CAMK2A: variants seen among roughly 807,000 people sequenced by gnomAD.
CAMK2A encodes calcium/calmodulin dependent protein kinase II alpha, also known as calcium/calmodulin-dependent protein kinase type II subunit alpha.
In CAMK2A, 7 loss-of-function variants were observed where a neutral mutation model predicts 79.2. That is an observed-to-expected ratio of 0.09 (90% CI 0.05 to 0.17). CAMK2A has a LOEUF of 0.17. CAMK2A is among the 10% of genes least tolerant of loss of function. The probability of loss-of-function intolerance (pLI) is 1.00; values close to 1 mark genes in which losing one functional copy is unlikely to be tolerated. For missense variants in CAMK2A, 214 were observed against 646.4 expected, an observed-to-expected ratio of 0.33 and a Z score of 7.25; for synonymous variants, 242 against 251.7, an observed-to-expected ratio of 0.96 and a Z score of 0.36.
At chr5:150,276,797 G>A (rs542490488) in intron 1 of CAMK2A, among the ~76,000 whole-genome samples, 1 of 152,202 alleles carries the variant, frequency 6.6e-6, no homozygotes, top group African/African-American at 2.4e-5. Flanking sequence ...TGGAGGGATA[G>A]AGGAAGGGAT....
In CAMK2A at chr5:150,245,158, T is replaced by C; in HGVS notation, c.984+3A>G. 5.0e-6 allele frequency: 8 copies of C among 1,613,696 alleles called. No homozygotes were observed. The highest frequency in any genetic ancestry group is 1.1e-5 in the South Asian group (1 of 90,986). ...GCCCTGCCAGGCTCCTGGAGGGGCT[T>C]ACCTTCACACCATCGCTCTTCTTGT... is the stretch of plus-strand genomic sequence containing the variant. On this transcript the variant is annotated splice_donor_region_variant and intron_variant, in intron 13 of 18. Transcript: ENST00000671881.
At chr5:150,241,194 C>T (rs949357565) in intron 13 of CAMK2A, among the ~76,000 whole-genome samples, 1 of 152,244 alleles carries the variant, frequency 6.6e-6, no homozygotes, top group Non-Finnish European at 1.5e-5. Context: ...TGGACACTTC[C>T]AATGCCCGTG....
At chr5:150,236,831 G>A (rs1376683602) in intron 15 of CAMK2A, among the ~76,000 whole-genome samples, 1 of 152,152 alleles carries the variant, frequency 6.6e-6, no homozygotes, top group Non-Finnish European at 1.5e-5. Flanking sequence ...ATGCTGACTT[G>A]ACCCTACCAG....
chr5:150,232,979 C>T (rs911846115), intron 15 of CAMK2A, among the ~76,000 whole-genome samples: 12 of 152,216 alleles, frequency 7.9e-5, no homozygotes, highest in Admixed American at 7.2e-4. Context: ...TCCATAGGCC[C>T]CTGAGGCCCC....
intron 1 of CAMK2A, among the ~76,000 whole-genome samples, chr5:150,276,586 G>A (rs1756955982): frequency 6.6e-6 from 1 of 152,172 alleles, no homozygotes; most frequent in South Asian, 2.1e-4. Context: ...TCTAGCTGGG[G>A]GCCATGATTC....
chr5:150,271,354 C>A (rs116218836), intron 2 of CAMK2A, among the ~76,000 whole-genome samples: 2 of 152,142 alleles, frequency 1.3e-5, no homozygotes. Flanking sequence ...AAGACACTGG[C>A]GGGAGGTCGG....
chr5:150,230,885 A>C (rs1055729707), intron 16 of CAMK2A, among the ~76,000 whole-genome samples: 1 of 152,216 alleles, frequency 6.6e-6, no homozygotes, highest in East Asian at 1.9e-4. Context: ...ATCTGAGGTC[A>C]GAGGTCCAAG....
In CAMK2A at chr5:150,227,028, T is replaced by TC. The variant is rs1372411143; in HGVS notation, c.1237+1163dup. Among the ~76,000 whole-genome samples the TC allele has an allele frequency of 3.3e-5, 5 of 152,108 alleles. No homozygotes were observed. In the East Asian group the frequency reaches 7.8e-4, roughly 24 times the overall value. On this transcript the variant is annotated intron_variant, in intron 17 of 18. Coordinates refer to ENST00000671881, the MANE Select transcript of CAMK2A (RefSeq NM_015981.4). Reference sequence around the variant, plus strand: ...CTCAAGTGATCTGCCCGCCTCAGCCTCCCAAAGTGCTGGGATTACATGCGT... The same window carrying TC: ...CTCAAGTGATCTGCCCGCCTCAGCCTCCCCAAAGTGCTGGGATTACATGCGT...
intron 2 of CAMK2A, among the ~76,000 whole-genome samples, chr5:150,270,958 G>C (rs976947511): frequency 6.6e-6 from 1 of 152,076 alleles, no homozygotes; most frequent in Non-Finnish European, 1.5e-5. Context: ...AATGTGCCTC[G>C]AGAGTGTGGT....
intron 1 of CAMK2A, among the ~76,000 whole-genome samples, chr5:150,282,964 C>CTG (rs766613320): frequency 1.1e-4 from 16 of 152,266 alleles, no homozygotes; most frequent in Non-Finnish European, 1.6e-4. Flanking sequence ...CTCCCTTACT[C>CTG]TACAGAGTCG....
intron 17 of CAMK2A, among the ~76,000 whole-genome samples, chr5:150,227,330 G>A (rs1754648558): frequency 6.6e-6 from 1 of 152,204 alleles, no homozygotes; most frequent in Non-Finnish European, 1.5e-5. Flanking sequence ...AGAGTATTGA[G>A]AGAGAATTAA....
Position 150,244,540 on chromosome 5 carries a change from C to T in CAMK2A, c.984+621G>A, listed in dbSNP as rs185978338. ...GAGCAGAGGGAGAAGAGAGAAGAGACGGGAAGGAGGACCGCAGGATGTGGA... is the reference window on the plus strand; with the variant it reads ...GAGCAGAGGGAGAAGAGAGAAGAGATGGGAAGGAGGACCGCAGGATGTGGA... On this transcript the variant is annotated intron_variant, in intron 13 of 18. Transcript: ENST00000671881. Among the ~76,000 whole-genome samples the T allele has an allele frequency of 3.1e-3, 474 of 152,252 alleles. 4 individuals are homozygous for T. Among genetic ancestry groups the T allele is most frequent in the African/African-American group, 0.011 (437 of 41,530 alleles).
intron 3 of CAMK2A, among the ~76,000 whole-genome samples, chr5:150,262,744 A>G (rs1030086314): frequency 2.0e-5 from 3 of 152,170 alleles, no homozygotes; most frequent in Non-Finnish European, 4.4e-5. Flanking sequence ...TACCCTCCCA[A>G]CAGTCCTAGA....
intron 14 of CAMK2A, among the ~76,000 whole-genome samples, chr5:150,239,192 T>C (rs1393789059): frequency 6.6e-6 from 1 of 151,946 alleles, no homozygotes. Flanking sequence ...GAGACAGCGA[T>C]GGAACCAGAA....
chr5:150,264,603 G>T (rs1352001881), intron 3 of CAMK2A, among the ~76,000 whole-genome samples: 4 of 152,194 alleles, frequency 2.6e-5, no homozygotes, highest in Non-Finnish European at 5.9e-5. Context: ...GTGCCAGGCT[G>T]AATCGGCATG....
chr5:150,231,429 A>G, intron 15 of CAMK2A, 49 bp from the exon 16 acceptor site: 1 of 696,446 alleles, frequency 1.4e-6, no homozygotes, highest in South Asian at 4.1e-5. Flanking sequence ...TAATAATAAT[A>G]ATAATAATAA....
Position 150,223,104 on chromosome 5 carries a change from C to A in CAMK2A, c.1351G>T (p.Ala451Ser), listed in dbSNP as rs374924411. The change falls in exon 18 of 19, where the codon GCT (alanine) becomes TCT (serine). Residue 451 changes from alanine (A) to serine (S), a missense_variant. By Grantham distance (99) the Ala-to-Ser change is moderately conservative (BLOSUM62 1). This residue lies in a region of CAMK2A where 123 missense variants were observed against 242.4 expected (regional missense o/e 0.51). Coordinates refer to ENST00000671881, the MANE Select transcript of CAMK2A (RefSeq NM_015981.4). This position sits in a 1 kb window ranked among gnomAD's most constrained non-coding sequence, Gnocchi z 4.1. ...AYIRITQYLD[A>S]GGIPRTAQSE... ...TGGGCGGTGCGTGGGATGCCGCCAG[C>A]GTCCAGGTACTGCGTGATGCGGATG... is the stretch of plus-strand genomic sequence containing the variant. The A allele has an allele frequency of 2.5e-6, 4 of 1,614,180 alleles. No individual in the cohort carries two copies. The highest frequency in any genetic ancestry group is 3.4e-6 in the Non-Finnish European group (4 of 1,180,036).
In CAMK2A at chr5:150,246,141, T is replaced by C. The variant is rs117257217; in HGVS notation, c.944-940A>G. On this transcript the variant is annotated intron_variant, in intron 12 of 18. Coordinates refer to ENST00000671881, the MANE Select transcript of CAMK2A (RefSeq NM_015981.4). ...GGAGGAGGGTCATATGAGCCACTGATGCCCCAGGGGCTCTGAGGCATGGGG... is the reference window on the plus strand; with the variant it reads ...GGAGGAGGGTCATATGAGCCACTGACGCCCCAGGGGCTCTGAGGCATGGGG... Among the ~76,000 whole-genome samples, 96 of 152,334 alleles carry C rather than the reference T, an allele frequency of 6.3e-4. 1 individual carries two copies. Among genetic ancestry groups the C allele is most frequent in the Admixed American group, 3.9e-3 (60 of 15,304 alleles).
intron 1 of CAMK2A, 41 bp downstream of exon 1, chr5:150,289,523 C>T (rs781170741): frequency 4.5e-6 from 7 of 1,540,706 alleles, no homozygotes; most frequent in African/African-American, 1.4e-5. Context: ...CTGACCTCCC[C>T]GCCCCCCATG....
Sources: gnomAD v4.1 joint callset for allele counts (sites outside exome capture counted in the v4.1 genomes callset) on GRCh38, gnomAD v4.1.1 for gene constraint, gnomAD v4.1.1 regional missense constraint, Gnocchi (gnomAD v3.1) non-coding constraint, MANE v1.5 for transcripts, NCBI Gene and HGNC (gene_info 2026-07-23, HGNC 2026-07-21) for gene names.